SLC10A7: variants seen among roughly 807,000 people sequenced by gnomAD.
SLC10A7 encodes the protein sodium/bile acid cotransporter 7.
A neutral mutation model predicts 43.2 loss-of-function variants in SLC10A7; 29 were observed. The ratio of observed to expected loss-of-function variants is 0.67; its 90% CI spans 0.50 to 0.92. SLC10A7 has a LOEUF of 0.92. Among genes scored for constraint, SLC10A7 ranks in the 40% least tolerant of loss-of-function variants. The pLI, the probability that SLC10A7 is intolerant of heterozygous loss-of-function variation, is 0.00. For synonymous variants in SLC10A7, 152 were observed against 144.8 expected, an observed-to-expected ratio of 1.05 and a Z score of -0.35; for missense variants, 295 against 403.2, an observed-to-expected ratio of 0.73 and a Z score of 2.30.
At chr4:146,492,176 C>G (rs566488601) in intron 4 of SLC10A7, among the ~76,000 whole-genome samples, 2 of 151,270 alleles carry the variant, frequency 1.3e-5, no homozygotes, top group African/African-American at 4.8e-5. Flanking sequence ...GCCGAGATCG[C>G]GTCACTGCAC....
rs76898328 is a variant in SLC10A7, at chr4:146,321,154, T to C, written c.471+4807A>G. On this transcript the variant is annotated intron_variant, in intron 6 of 11. Coordinates refer to ENST00000335472, the MANE Select transcript of SLC10A7 (RefSeq NM_001029998.6). ...TACTTCTATAACAAAGCCCCAAAAC[T>C]GGGCAACTTGAAACAACAGAAATAT... Among the ~76,000 whole-genome samples the C allele has an allele frequency of 3.5e-3, 537 of 152,194 alleles. 1 individual carries two copies. The highest frequency in any genetic ancestry group is 6.3e-3 in the Non-Finnish European group (429 of 67,986).
At chr4:146,370,332 G>C (rs893687449) in intron 5 of SLC10A7, among the ~76,000 whole-genome samples, 8 of 152,130 alleles carry the variant, frequency 5.3e-5, no homozygotes, top group Non-Finnish European at 1.0e-4. Context: ...ATTCTCATTT[G>C]GCCATCTTTC....
In SLC10A7 at chr4:146,305,808, C is replaced by T; in HGVS notation, c.555+118G>A. ...GATTGATGAAAGTTTTGTTTTTAGT[C>T]TCATATTTTCATTTATCTCCTCCCT... is the stretch of plus-strand genomic sequence containing the variant. On this transcript the variant is annotated intron_variant, in intron 7 of 11. Transcript: ENST00000335472. 3.5e-6 allele frequency: 3 copies of T among 860,908 alleles called. No individual in the cohort carries two copies. The South Asian group carries it at 5.6e-5, about 16-fold the overall frequency. 53.3% of individuals were successfully genotyped at this position (860,908 alleles called of 1,614,324 possible).
At chr4:146,359,454 T>C (rs1056640262) in intron 5 of SLC10A7, among the ~76,000 whole-genome samples, 9 of 152,132 alleles carry the variant, frequency 5.9e-5, no homozygotes, top group South Asian at 2.1e-4. Flanking sequence ...TTCACCTATG[T>C]TTTTTTCTAG....
intron 5 of SLC10A7, among the ~76,000 whole-genome samples, chr4:146,334,656 C>T (rs1415186734): frequency 6.6e-6 from 1 of 151,996 alleles, no homozygotes; most frequent in African/African-American, 2.4e-5. Flanking sequence ...AGGAATTTTA[C>T]CTGTTGCAAC....
At chr4:146,512,221 G>A (rs891439156) in intron 2 of SLC10A7, among the ~76,000 whole-genome samples, 3 of 151,964 alleles carry the variant, frequency 2.0e-5, no homozygotes, top group African/African-American at 4.8e-5. Context: ...TGATCCACCC[G>A]CCTTGGCCTC....
chr4:146,383,998 C>T (rs1737816682), intron 5 of SLC10A7, among the ~76,000 whole-genome samples: 1 of 152,106 alleles, frequency 6.6e-6, no homozygotes, highest in Non-Finnish European at 1.5e-5. Context: ...GAAGTCGTTT[C>T]AAACACTCTG....
At chr4:146,351,364 A>G (rs997457859) in intron 5 of SLC10A7, among the ~76,000 whole-genome samples, 2 of 152,258 alleles carry the variant, frequency 1.3e-5, no homozygotes, top group South Asian at 2.1e-4. Flanking sequence ...CAAAGCCTCC[A>G]AGAAATATGG....
Position 146,518,477 on chromosome 4 carries a change from T to A in SLC10A7, c.101-1357A>T, listed in dbSNP as rs3914630. Among the ~76,000 whole-genome samples the A allele has an allele frequency of 5.6e-3, 849 of 152,268 alleles. 6 individuals are homozygous for A. The highest frequency in any genetic ancestry group is 0.017 in the African/African-American group (712 of 41,558). On this transcript the variant is annotated intron_variant, in intron 1 of 11. Coordinates refer to ENST00000335472, the MANE Select transcript of SLC10A7 (RefSeq NM_001029998.6). Reference sequence around the variant, plus strand: ...GCCAAGGCTGAGAAATCTTGGTACATGGCAACATTTAAAAACCTAAGATCA... The same window carrying A: ...GCCAAGGCTGAGAAATCTTGGTACAAGGCAACATTTAAAAACCTAAGATCA...
intron 5 of SLC10A7, among the ~76,000 whole-genome samples, chr4:146,342,906 A>T (rs1454991313): frequency 6.6e-6 from 1 of 151,832 alleles, no homozygotes; most frequent in Non-Finnish European, 1.5e-5. Flanking sequence ...TAGATAAAAC[A>T]ATGCACATAA....
intron 5 of SLC10A7, among the ~76,000 whole-genome samples, chr4:146,438,260 A>G (rs1165631387): frequency 6.6e-6 from 1 of 152,042 alleles, no homozygotes. Context: ...AGTTCCTTTT[A>G]ATCTTTGATC....
intron 10 of SLC10A7, among the ~76,000 whole-genome samples, chr4:146,267,465 A>T (rs1421371054): frequency 6.6e-6 from 1 of 152,206 alleles, no homozygotes; most frequent in African/African-American, 2.4e-5. Flanking sequence ...AAGATCACAG[A>T]TCACGTGACC....
chr4:146,513,231 C>G (rs1737645126), intron 2 of SLC10A7, among the ~76,000 whole-genome samples: 1 of 151,498 alleles, frequency 6.6e-6, no homozygotes, highest in Admixed American at 6.6e-5. Context: ...GTAACGTATA[C>G]ATTTTTGTTA....
intron 5 of SLC10A7, among the ~76,000 whole-genome samples, chr4:146,419,831 G>A (rs753740321): frequency 1.2e-4 from 18 of 151,146 alleles, no homozygotes; most frequent in Non-Finnish European, 2.1e-4. Flanking sequence ...GCAAGACTCC[G>A]TCTAAAAAAA....
intron 5 of SLC10A7, among the ~76,000 whole-genome samples, chr4:146,363,163 A>G (rs915595190): frequency 1.3e-5 from 2 of 152,146 alleles, no homozygotes; most frequent in African/African-American, 2.4e-5. Flanking sequence ...AAATGAAGGG[A>G]TGGAAAAAGA....
chr4:146,315,492 C>A (rs925418594), intron 6 of SLC10A7, among the ~76,000 whole-genome samples: 2 of 152,010 alleles, frequency 1.3e-5, no homozygotes, highest in Non-Finnish European at 2.9e-5. Flanking sequence ...AGAAAGAGAT[C>A]CATTGAGAAA....
chr4:146,487,317 G>C (rs1444199433), intron 4 of SLC10A7, among the ~76,000 whole-genome samples: 4 of 152,122 alleles, frequency 2.6e-5, no homozygotes, highest in Non-Finnish European at 5.9e-5. Context: ...TGTTGTTTAT[G>C]TTTCTGCCAA....
intron 4 of SLC10A7, among the ~76,000 whole-genome samples, chr4:146,501,768 T>C (rs549481460): frequency 6.6e-6 from 1 of 152,326 alleles, no homozygotes; most frequent in East Asian, 1.9e-4. Flanking sequence ...TGTTCTCACA[T>C]AGCAACAGCA....
At chr4:146,326,581 G>C (rs1733119188) in intron 5 of SLC10A7, among the ~76,000 whole-genome samples, 1 of 152,210 alleles carries the variant, frequency 6.6e-6, no homozygotes, top group Admixed American at 6.5e-5. Flanking sequence ...CGGTCCCTCT[G>C]CCTCCCCTAG....
Sources: gnomAD v4.1 joint callset for allele counts (sites outside exome capture counted in the v4.1 genomes callset) on GRCh38, gnomAD v4.1.1 for gene constraint, MANE v1.5 for transcripts, NCBI Gene and HGNC (gene_info 2026-07-23, HGNC 2026-07-21) for gene names.